TMEM135: variants seen among roughly 807,000 people sequenced by gnomAD.
The protein encoded by TMEM135 is transmembrane protein 135.
In TMEM135, 30 loss-of-function variants were observed where a neutral mutation model predicts 60.3. That is an observed-to-expected ratio of 0.50 (90% CI 0.37 to 0.68). The LOEUF is 0.68. TMEM135 is among the 30% of genes least tolerant of loss of function. TMEM135 has a pLI of 0.00. For missense variants in TMEM135, 468 were observed against 548.8 expected (o/e 0.85, Z 1.47); for synonymous variants, 190 against 186.7 (o/e 1.02, Z -0.14).
chr11:87,161,062 A>G (rs513662), intron 5 of TMEM135, among the ~76,000 whole-genome samples: 65,276 of 151,798 alleles, frequency 0.43, 14,927 homozygotes, highest in East Asian at 0.67. Flanking sequence ...ACCACACCTG[A>G]CTAATTTTTG....
chr11:87,172,771 A>G (rs140155636), intron 5 of TMEM135, among the ~76,000 whole-genome samples: 3,598 of 152,102 alleles, frequency 0.024, 39 homozygotes, highest in South Asian at 0.032. Flanking sequence ...GATAATTATA[A>G]ATATTGGTGT....
intron 5 of TMEM135, among the ~76,000 whole-genome samples, chr11:87,219,039 T>C (rs1364927463): frequency 6.6e-6 from 1 of 152,228 alleles, no homozygotes; most frequent in African/African-American, 2.4e-5. Context: ...CAAGACAATA[T>C]GATTCTTGTC....
At chr11:87,272,454 A>T (rs545548391) in intron 6 of TMEM135, among the ~76,000 whole-genome samples, 11 of 150,666 alleles carry the variant, frequency 7.3e-5, no homozygotes, top group Middle Eastern at 6.9e-3. Flanking sequence ...TTCTTAAAAA[A>T]GTTTTTTTTT....
intron 4 of TMEM135, among the ~76,000 whole-genome samples, chr11:87,113,782 G>T (rs1452444070): frequency 6.6e-6 from 1 of 151,938 alleles, no homozygotes; most frequent in Non-Finnish European, 1.5e-5. Context: ...TCTCTTACTG[G>T]TTGTATAATG....
In TMEM135 at chr11:87,115,918, T is replaced by C. The variant is rs578191000; in HGVS notation, c.396+24523T>C. Among the ~76,000 whole-genome samples, 94 of 152,168 alleles carry C rather than the reference T, an allele frequency of 6.2e-4. 1 individual carries two copies. The highest frequency in any genetic ancestry group is 2.1e-3 in the African/African-American group (88 of 41,568). On this transcript the variant is annotated intron_variant, in intron 4 of 14. Coordinates refer to ENST00000305494, the MANE Select transcript of TMEM135 (RefSeq NM_022918.4). ...ATTTATTAAACATTAAATTGATTTA[T>C]ATGCTATTTAGTTTATTTAACCTAT...
chr11:87,252,566 A>G (rs1941438726), intron 6 of TMEM135, among the ~76,000 whole-genome samples: 1 of 152,014 alleles, frequency 6.6e-6, no homozygotes. Flanking sequence ...TGAGGTCAGG[A>G]GTTTGAGACC....
intron 1 of TMEM135, among the ~76,000 whole-genome samples, chr11:87,066,802 G>A (rs1856669966): frequency 1.6e-5 from 2 of 128,904 alleles, no homozygotes. Context: ...TTTTTTTTGA[G>A]ACAGAGTCTC....
chr11:87,295,140 G>A (rs1565160723), intron 6 of TMEM135, among the ~76,000 whole-genome samples: 1 of 152,188 alleles, frequency 6.6e-6, no homozygotes, highest in East Asian at 1.9e-4. Flanking sequence ...GATTAAATGA[G>A]ACAACACATA....
At chr11:87,256,808 CTCTA>C (rs1380678000) in intron 6 of TMEM135, among the ~76,000 whole-genome samples, 1 of 152,022 alleles carries the variant, frequency 6.6e-6, no homozygotes. Flanking sequence ...TTGGCTATGC[CTCTA>C]TCTGTCTGTT....
chr11:87,313,397 G>A (rs748320486), intron 10 of TMEM135, 28 bp from the exon 11 acceptor site: 4 of 1,563,594 alleles, frequency 2.6e-6, no homozygotes, highest in Non-Finnish European at 2.6e-6. Context: ...TAAAATAACT[G>A]AAGTCATTGT....
chr11:87,079,473 T>G (rs770993912), intron 3 of TMEM135, among the ~76,000 whole-genome samples: 1 of 152,196 alleles, frequency 6.6e-6, no homozygotes. Flanking sequence ...TTGTGTTTTA[T>G]CTTGACTTCT....
At chr11:87,162,975 T>G (rs1230761185) in intron 5 of TMEM135, among the ~76,000 whole-genome samples, 3 of 152,120 alleles carry the variant, frequency 2.0e-5, no homozygotes, top group Non-Finnish European at 4.4e-5. Flanking sequence ...TGACCAGTGA[T>G]GATGAGCTTT....
At chr11:87,240,418 C>T (rs1432213833) in intron 6 of TMEM135, among the ~76,000 whole-genome samples, 1 of 151,910 alleles carries the variant, frequency 6.6e-6, no homozygotes, top group African/African-American at 2.4e-5. Flanking sequence ...AATTTGGTCT[C>T]ATGCACCCCT....
Position 87,305,776 on chromosome 11 carries a change from A to AAAATAAATAAATAAATAAAT in TMEM135, c.699-148_699-129dup, listed in dbSNP as rs71470736. ...AGGGACAAGAGCGAGACTTTATCTC[A>AAAATAAATAAATAAATAAAT]AAATAAATAAATAAATAAATAAATA... On this transcript the variant is annotated intron_variant, in intron 8 of 14. Transcript: ENST00000305494. Among the ~76,000 whole-genome samples, 84 of 144,064 alleles carry AAAATAAATAAATAAATAAAT rather than the reference A, an allele frequency of 5.8e-4. 1 individual carries two copies. The highest frequency in any genetic ancestry group is 3.7e-3 in the Admixed American group (53 of 14,318). 94.5% of individuals were successfully genotyped at this position (144,064 alleles called of 152,430 possible).
At chr11:87,046,021 A>T (rs956407564) in intron 1 of TMEM135, among the ~76,000 whole-genome samples, 4 of 152,246 alleles carry the variant, frequency 2.6e-5, no homozygotes, top group African/African-American at 9.6e-5. Context: ...GATTAGGCAC[A>T]TATACTCCTG....
chr11:87,046,900 C>T (rs1481087772), intron 1 of TMEM135, among the ~76,000 whole-genome samples: 1 of 152,160 alleles, frequency 6.6e-6, no homozygotes, highest in Non-Finnish European at 1.5e-5. Flanking sequence ...AATCTCAGTC[C>T]TGCCACTTAC....
In TMEM135 at chr11:87,326,085, C is replaced by A. The variant is rs994634651; in HGVS notation, c.*4752C>A. 1.1e-5 allele frequency: 5 copies of A among 452,958 alleles called. No homozygotes were observed. The highest frequency in any genetic ancestry group is 2.2e-5 in the Non-Finnish European group (5 of 226,570). The allele number at this position is 452,958 out of a possible 1,614,324, so 28.1% of individuals were successfully genotyped here. On this transcript the variant is annotated 3_prime_UTR_variant, in exon 15 of 15. Transcript: ENST00000305494. ...CACAAACTACTATAGCTTGCCTGTT[C>A]AGTTTTTTTTTTTTTTAATATTCAG...
At chr11:87,270,841 A>G (rs1316900639) in intron 6 of TMEM135, among the ~76,000 whole-genome samples, 1 of 152,188 alleles carries the variant, frequency 6.6e-6, no homozygotes, top group Non-Finnish European at 1.5e-5. Context: ...CTCTATTATT[A>G]AAGTTGAGTT....
At position 87,323,971 on chromosome 11, in the gene TMEM135, CAGTT is replaced by C. The variant is rs1203621292; in HGVS notation, c.*2639_*2642del. The C allele has an allele frequency of 1.1e-5, 5 of 453,710 alleles. No homozygotes were observed. Among genetic ancestry groups the C allele is most frequent in the African/African-American group, 8.0e-5 (4 of 50,050 alleles). 28.1% of individuals were successfully genotyped at this position (453,710 alleles called of 1,614,324 possible). A position where few individuals can be genotyped will look rare whatever the true frequency, so the allele number is the denominator to read the frequency against. On this transcript the variant is annotated 3_prime_UTR_variant, in exon 15 of 15. Coordinates refer to ENST00000305494, the MANE Select transcript of TMEM135 (RefSeq NM_022918.4). The stretch of plus-strand genomic sequence containing the variant: ...TTTTTGCCTTCATTCGTTGTTTAGT[CAGTT>C]GTTATTTAATTTAGAATTTTATATT...
Sources: allele counts gnomAD v4.1 joint callset (sites outside exome capture counted in the v4.1 genomes callset), GRCh38; gene constraint gnomAD v4.1.1; transcripts MANE v1.5; gene names NCBI Gene and HGNC (gene_info 2026-07-23, HGNC 2026-07-21).